The following TNS3 variants were observed in gnomAD, a reference collection of about 807,000 sequenced individuals.
TNS3 encodes tensin 3.
A neutral mutation model predicts 140.9 loss-of-function variants in TNS3; 45 were observed. That is an observed-to-expected ratio of 0.32 (90% CI 0.25 to 0.41). The LOEUF (loss-of-function observed/expected upper bound fraction) is 0.41, where lower values mean the gene tolerates loss of function less well. TNS3 is among the 10% of genes least tolerant of loss of function. The probability of loss-of-function intolerance (pLI) is 1.00; values close to 1 mark genes in which losing one functional copy is unlikely to be tolerated. For synonymous variants in TNS3, 815 were observed against 788.4 expected, an observed-to-expected ratio of 1.03 and a Z score of -0.56; for missense variants, 1,716 against 1,906.7, an observed-to-expected ratio of 0.90 and a Z score of 1.86.
intron 20 of TNS3, among the ~76,000 whole-genome samples, chr7:47,332,056 C>CTG (rs2150921418): frequency 6.6e-6 from 1 of 152,350 alleles, no homozygotes; most frequent in East Asian, 1.9e-4. Context: ...TCTGACCCTT[C>CTG]TGCAAGTCTC....
intron 28 of TNS3, among the ~76,000 whole-genome samples, chr7:47,283,149 C>T (rs1785237449): frequency 6.6e-6 from 1 of 152,224 alleles, no homozygotes; most frequent in Non-Finnish European, 1.5e-5. Flanking sequence ...ACAGGAACAG[C>T]CCTGTGGCTG....
intron 26 of TNS3, 110 bp from the exon 27 acceptor site, chr7:47,292,142 G>C: frequency 9.4e-7 from 1 of 1,063,690 alleles, no homozygotes; most frequent in Non-Finnish European, 1.4e-6. Context: ...GACATGCAAT[G>C]GTTTTGCAGA....
chr7:47,288,673 G>A (rs1457052630), intron 27 of TNS3, among the ~76,000 whole-genome samples: 1 of 152,186 alleles, frequency 6.6e-6, no homozygotes, highest in Non-Finnish European at 1.5e-5. Flanking sequence ...CCCTAAAACA[G>A]ATTTAGGGGC....
intron 1 of TNS3, among the ~76,000 whole-genome samples, chr7:47,534,720 T>C (rs10242770): frequency 0.38 from 57,973 of 152,092 alleles, 11,905 homozygotes; most frequent in Middle Eastern, 0.53. Flanking sequence ...GGTATCTGGT[T>C]TTTTCAAAGA....
chr7:47,517,234 C>A (rs1168295873), intron 2 of TNS3, among the ~76,000 whole-genome samples: 1 of 152,136 alleles, frequency 6.6e-6, no homozygotes, highest in Non-Finnish European at 1.5e-5. Context: ...GCAATAGAAA[C>A]CCTGCTGTGC....
At chr7:47,384,977 A>G (rs1432534221) in intron 16 of TNS3, among the ~76,000 whole-genome samples, 1 of 152,150 alleles carries the variant, frequency 6.6e-6, no homozygotes, top group Non-Finnish European at 1.5e-5. Context: ...TTGCCAGGGG[A>G]AGCTCCTCCA....
intron 3 of TNS3, among the ~76,000 whole-genome samples, chr7:47,500,620 T>C (rs1439256065): frequency 6.6e-6 from 1 of 152,130 alleles, no homozygotes; most frequent in African/African-American, 2.4e-5. Context: ...TCTCATGACA[T>C]CCCTAAAAAT....
At chr7:47,520,844 C>T (rs931475768) in intron 2 of TNS3, among the ~76,000 whole-genome samples, 2 of 152,330 alleles carry the variant, frequency 1.3e-5, no homozygotes, top group African/African-American at 4.8e-5. Flanking sequence ...GAAGTCAACC[C>T]CAGGGTGGGG....
At chr7:47,457,870 T>C (rs1342905044) in intron 4 of TNS3, among the ~76,000 whole-genome samples, 3 of 152,162 alleles carry the variant, frequency 2.0e-5, no homozygotes, top group Non-Finnish European at 4.4e-5. Context: ...TGTCCTCATC[T>C]GTAAAAACAG....
At chr7:47,393,679 C>A (rs1031709073) in intron 16 of TNS3, among the ~76,000 whole-genome samples, 4 of 152,116 alleles carry the variant, frequency 2.6e-5, no homozygotes, top group Non-Finnish European at 5.9e-5. Context: ...GGAGTCTGGG[C>A]ATGACTCTGC....
intron 15 of TNS3, among the ~76,000 whole-genome samples, chr7:47,398,237 GA>G (rs1279961672): frequency 6.6e-6 from 1 of 152,090 alleles, no homozygotes; most frequent in Non-Finnish European, 1.5e-5. Context: ...TCCATTCAAA[GA>G]AGAACTGGTG....
intron 21 of TNS3, among the ~76,000 whole-genome samples, chr7:47,304,176 C>T (rs1319802863): frequency 6.6e-6 from 1 of 152,186 alleles, no homozygotes; most frequent in Non-Finnish European, 1.5e-5. Context: ...GTCCTCAATC[C>T]ATGCTTGCTA....
intron 30 of TNS3, 58 bp downstream of exon 30, chr7:47,280,106 C>T (rs752869114): frequency 2.2e-4 from 345 of 1,602,898 alleles, no homozygotes; most frequent in Non-Finnish European, 2.8e-4. Context: ...GAAGAGAATT[C>T]AACTTTGGAG....
At chr7:47,350,771 G>C (rs1363689080) in intron 17 of TNS3, among the ~76,000 whole-genome samples, 2 of 152,172 alleles carry the variant, frequency 1.3e-5, no homozygotes, top group Non-Finnish European at 2.9e-5. Context: ...GCAAAGGCTG[G>C]GGCTTGGCAC....
At chr7:47,449,060 C>G (rs1795890189) in intron 4 of TNS3, among the ~76,000 whole-genome samples, 1 of 152,236 alleles carries the variant, frequency 6.6e-6, no homozygotes, top group Non-Finnish European at 1.5e-5. Flanking sequence ...TTGCTCACTG[C>G]AGATTGTCCC....
At chr7:47,281,550 C>G (rs576334296) in intron 28 of TNS3, among the ~76,000 whole-genome samples, 1 of 152,354 alleles carries the variant, frequency 6.6e-6, no homozygotes, top group South Asian at 2.1e-4. Context: ...CTGCAGCCAC[C>G]TGCAGCCCCT....
chr7:47,483,102 A>C (rs951508540), intron 3 of TNS3, among the ~76,000 whole-genome samples: 1 of 152,222 alleles, frequency 6.6e-6, no homozygotes, highest in African/African-American at 2.4e-5. Context: ...ATATTGGCTA[A>C]TCAAGTGTAA....
At chr7:47,471,745 C>A (rs570639030) in intron 4 of TNS3, among the ~76,000 whole-genome samples, 3 of 152,228 alleles carry the variant, frequency 2.0e-5, no homozygotes, top group Non-Finnish European at 2.9e-5. Flanking sequence ...CCACCTCCCC[C>A]TCGGGTGTCC....
At chr7:47,529,562 G>C (rs1799320442) in intron 1 of TNS3, among the ~76,000 whole-genome samples, 1 of 152,194 alleles carries the variant, frequency 6.6e-6, no homozygotes, top group Non-Finnish European at 1.5e-5. Flanking sequence ...TAGCTAAACA[G>C]CATAATTATG....
Sources: gnomAD v4.1 joint callset for allele counts (sites outside exome capture counted in the v4.1 genomes callset) on GRCh38, gnomAD v4.1.1 for gene constraint, MANE v1.5 for transcripts, NCBI Gene and HGNC (gene_info 2026-07-23, HGNC 2026-07-21) for gene names.